Variants in DCAF6 observed in about 807,000 individuals in gnomAD.
The protein encoded by DCAF6 is DDB1- and CUL4-associated factor 6.
In DCAF6, 54 loss-of-function variants were observed where a neutral mutation model predicts 125.1. That is an observed-to-expected ratio of 0.43 (90% CI 0.35 to 0.54). The LOEUF is 0.54. DCAF6 is among the 20% of genes least tolerant of loss of function. The pLI, the probability that DCAF6 is intolerant of heterozygous loss-of-function variation, is 0.01. For synonymous variants in DCAF6, 371 were observed against 390.4 expected (o/e 0.95, Z 0.58); for missense variants, 934 against 1,161.7 (o/e 0.80, Z 2.85).
chr1:167,998,203 A>G (rs1682044042), intron 7 of DCAF6, among the ~76,000 whole-genome samples: 1 of 152,232 alleles, frequency 6.6e-6, no homozygotes, highest in Non-Finnish European at 1.5e-5. Context: ...AGTTATGTTT[A>G]TACTGTACCA....
At chr1:167,864,113 C>G in the DCAF6 span, among the ~76,000 whole-genome samples, 5 of 152,266 alleles carry the variant, frequency 3.3e-5, no homozygotes, top group South Asian at 1.0e-3. Flanking sequence ...TTTGACCTGG[C>G]TTGGATTTCT....
chr1:168,058,316 A>G (rs774685491), intron 17 of DCAF6, among the ~76,000 whole-genome samples: 1 of 152,224 alleles, frequency 6.6e-6, no homozygotes, highest in Non-Finnish European at 1.5e-5. Flanking sequence ...TTTCTTGCGT[A>G]TATACCAAGG....
chr1:167,945,596 C>T (rs1171670192), intron 1 of DCAF6, among the ~76,000 whole-genome samples: 1 of 151,962 alleles, frequency 6.6e-6, no homozygotes, highest in African/African-American at 2.4e-5. Flanking sequence ...GGTTCAAGCA[C>T]TTCTCCTGCC....
the DCAF6 span, chr1:167,896,650 T>C: frequency 6.2e-7 from 1 of 1,613,594 alleles, no homozygotes; most frequent in African/African-American, 1.3e-5. Flanking sequence ...TTGTGAAAAA[T>C]TCATCAAAAT....
At chr1:167,910,928 A>T in the DCAF6 span, among the ~76,000 whole-genome samples, 1 of 152,246 alleles carries the variant, frequency 6.6e-6, no homozygotes, top group African/African-American at 2.4e-5. Context: ...ATTTTTTAGT[A>T]TAAATATATT....
the DCAF6 span, among the ~76,000 whole-genome samples, chr1:167,907,646 C>T: frequency 4.1e-4 from 63 of 152,166 alleles, no homozygotes; most frequent in Non-Finnish European, 7.1e-4. Context: ...TTGGGAGCAG[C>T]CTCAATGGTT....
chr1:168,060,425 G>T (rs1168949444), intron 17 of DCAF6, among the ~76,000 whole-genome samples: 4 of 152,022 alleles, frequency 2.6e-5, no homozygotes, highest in Non-Finnish European at 5.9e-5. Context: ...GGCTCAAGCA[G>T]CCCTCCTGCC....
chr1:167,984,321 A>G (rs1679633663), intron 4 of DCAF6, among the ~76,000 whole-genome samples: 1 of 152,192 alleles, frequency 6.6e-6, no homozygotes, highest in African/African-American at 2.4e-5. Flanking sequence ...AAAGGTTCCT[A>G]AATGATTCAG....
chr1:167,918,363 T>C, the DCAF6 span: 56 of 1,512,472 alleles, frequency 3.7e-5, no homozygotes, highest in African/African-American at 6.8e-4. Context: ...GTTATATCTA[T>C]AAAGAAAACA....
chr1:167,938,472 C>T (rs1017968428), intron 1 of DCAF6, among the ~76,000 whole-genome samples: 2 of 152,194 alleles, frequency 1.3e-5, no homozygotes, highest in Non-Finnish European at 2.9e-5. Context: ...GCCCTTACAG[C>T]ATTTTAATGA....
chr1:168,060,430 C>A (rs920438537), intron 17 of DCAF6, among the ~76,000 whole-genome samples: 1 of 152,186 alleles, frequency 6.6e-6, no homozygotes, highest in Non-Finnish European at 1.5e-5. Flanking sequence ...AAGCAGCCCT[C>A]CTGCCTCAGA....
chr1:167,921,855 G>T, the DCAF6 span, among the ~76,000 whole-genome samples: 107 of 152,238 alleles, frequency 7.0e-4, no homozygotes, highest in South Asian at 1.9e-3. Flanking sequence ...GATTGTCAAT[G>T]AATATATATT....
the DCAF6 span, among the ~76,000 whole-genome samples, chr1:167,894,257 A>G: frequency 3.9e-4 from 59 of 152,324 alleles, no homozygotes; most frequent in Middle Eastern, 6.8e-3. Flanking sequence ...GATGGGAACA[A>G]ACAAATGAGG....
intron 8 of DCAF6, 69 bp from the exon 9 acceptor site, chr1:168,003,801 T>C: frequency 7.1e-7 from 1 of 1,399,268 alleles, no homozygotes; most frequent in South Asian, 1.5e-5. Context: ...CCTTCAAATC[T>C]AGGTTTTTGT....
chr1:168,016,164 C>G (rs1384287518), intron 11 of DCAF6, among the ~76,000 whole-genome samples: 1 of 152,100 alleles, frequency 6.6e-6, no homozygotes, highest in Non-Finnish European at 1.5e-5. Context: ...ATAAAATAAT[C>G]AATTTTAAAA....
intron 2 of DCAF6, among the ~76,000 whole-genome samples, chr1:167,953,288 T>C (rs1275407397): frequency 6.6e-6 from 1 of 152,194 alleles, no homozygotes; most frequent in East Asian, 1.9e-4. Flanking sequence ...TTTAGCTCTC[T>C]TTTCAAATGT....
intron 7 of DCAF6, chr1:167,998,750 A>T (rs760603733): frequency 2.0e-5 from 3 of 153,394 alleles, no homozygotes; most frequent in Non-Finnish European, 4.4e-5. Context: ...TGTTAGTTTT[A>T]TCATGAGATT....
At chr1:167,951,939 C>A in intron 2 of DCAF6, 78 bp downstream of exon 2, 1 of 854,110 alleles carries the variant, frequency 1.2e-6, no homozygotes, top group African/African-American at 1.7e-5. Flanking sequence ...TCCCAATCCT[C>A]CCAGAAAGGA....
chr1:167,980,867 TAATA>T (rs1407989491), intron 4 of DCAF6, among the ~76,000 whole-genome samples: 2 of 151,820 alleles, frequency 1.3e-5, no homozygotes, highest in African/African-American at 4.8e-5. Context: ...TTGTTATATC[TAATA>T]AATCATTGTA....
Sources: allele counts gnomAD v4.1 joint callset (sites outside exome capture counted in the v4.1 genomes callset), GRCh38; gene constraint gnomAD v4.1.1; transcripts MANE v1.5; gene names NCBI Gene and HGNC (gene_info 2026-07-23, HGNC 2026-07-21).